IL12RB2: variants seen among roughly 807,000 people sequenced by gnomAD.
IL12RB2 encodes the protein interleukin-12 receptor subunit beta-2.
In IL12RB2, 82 loss-of-function variants were observed where a neutral mutation model predicts 89.4. That is an observed-to-expected ratio of 0.92 (90% confidence interval 0.77 to 1.10). The LOEUF (loss-of-function observed/expected upper bound fraction) is 1.10. IL12RB2 is among the 50% of genes least tolerant of loss of function. The pLI is 0.00. For synonymous variants in IL12RB2, 368 were observed against 370.1 expected (o/e 0.99, Z 0.07); for missense variants, 963 against 1,031.9 (o/e 0.93, Z 0.92).
chr1:67,367,789 T>A (rs1662869596), intron 10 of IL12RB2, 36 bp from the exon 11 acceptor site: 1 of 1,218,062 alleles, frequency 8.2e-7, no homozygotes, highest in Admixed American at 1.7e-5. Flanking sequence ...CCCTCCTCTT[T>A]TTTTATTTTG....
At position 67,321,646 on chromosome 1, in the gene IL12RB2, A is replaced by G. The variant is rs750730739; in HGVS notation, c.121A>G (p.Ile41Val). ...GDVTVKPSHV[I>V]LLGSTVNITC... ...TGTGACTGTGAAGCCTTCCCATGTA[A>G]TTTTACTTGGATCCACTGTCAATAT... Residue 41 changes from isoleucine to valine, a missense_variant, in exon 4 of 17, where the codon ATT becomes GTT. Transcript: ENST00000674203. 3.0e-5 allele frequency: 49 copies of G among 1,606,950 alleles called. No homozygotes were observed. In the Admixed American group the frequency reaches 8.2e-4, roughly 27 times the overall value.
At chr1:67,347,893 A>C (rs1279808105) in intron 9 of IL12RB2, among the ~76,000 whole-genome samples, 2 of 151,840 alleles carry the variant, frequency 1.3e-5, no homozygotes, top group Non-Finnish European at 2.9e-5. Flanking sequence ...CAAAAATCTC[A>C]CATTACTTTT....
chr1:67,358,460 C>A (rs1177275706), intron 10 of IL12RB2, among the ~76,000 whole-genome samples: 1 of 152,028 alleles, frequency 6.6e-6, no homozygotes, highest in Non-Finnish European at 1.5e-5. Flanking sequence ...CCTGTAATCC[C>A]AGCTACTTTG....
chr1:67,338,764 A>G (rs529800718), intron 9 of IL12RB2, 61 bp downstream of exon 9: 16 of 826,358 alleles, frequency 1.9e-5, no homozygotes, highest in African/African-American at 1.8e-4. Context: ...AAAAAGACCT[A>G]TTTGCATAGT....
At chr1:67,335,390 G>T (rs1325085770) in intron 8 of IL12RB2, among the ~76,000 whole-genome samples, 1 of 152,170 alleles carries the variant, frequency 6.6e-6, no homozygotes, top group South Asian at 2.1e-4. Context: ...TAGGGAATTG[G>T]TTGGGGGAGT....
intron 8 of IL12RB2, among the ~76,000 whole-genome samples, chr1:67,333,168 T>G (rs1236857386): frequency 1.3e-5 from 2 of 152,180 alleles, no homozygotes; most frequent in African/African-American, 4.8e-5. Flanking sequence ...AATCTCCCTT[T>G]TCTATGTTTG....
chr1:67,394,897 G>A (rs528087869), intron 16 of IL12RB2, among the ~76,000 whole-genome samples: 1 of 152,210 alleles, frequency 6.6e-6, no homozygotes, highest in Non-Finnish European at 1.5e-5. Context: ...CCCCAAGACA[G>A]AAGCAGTCTC....
At chr1:67,371,499 G>A (rs1050195864) in intron 11 of IL12RB2, among the ~76,000 whole-genome samples, 1 of 151,642 alleles carries the variant, frequency 6.6e-6, no homozygotes, top group Non-Finnish European at 1.5e-5. Flanking sequence ...TCAATACTGG[G>A]TAGGGTTCTT....
In IL12RB2 at chr1:67,324,224, G is replaced by A. The variant is rs535635898; in HGVS notation, c.364+2335G>A. On this transcript the variant is annotated intron_variant, in intron 4 of 16. Coordinates refer to ENST00000674203, the MANE Select transcript of IL12RB2 (RefSeq NM_001374259.2). ...ATATATACACAAGGAAGAGACTTTC[G>A]TTTGTTTGTTTGTTTTGAGATGGAA... 7.4e-4 allele frequency among the ~76,000 whole-genome samples: 112 copies of A among 152,146 alleles called. 2 individuals are homozygous for A. In the South Asian group the frequency reaches 0.022, roughly 30 times the overall value.
At chr1:67,386,872 TTATATATATATATATATATATATATA>T (rs1179774666) in intron 15 of IL12RB2, among the ~76,000 whole-genome samples, 659 of 48,476 alleles carry the variant, frequency 0.014, 24 homozygotes, top group African/African-American at 0.04. Flanking sequence ...GAAATGTATT[TTATATATATATATATATATATATATA>T]TATATATATA....
rs1478327103 is a variant in IL12RB2 at position 67,390,074 on chromosome 1, A to G, written c.1992A>G (p.Arg664=). 5 of 1,405,456 alleles carry G rather than the reference A, an allele frequency of 3.6e-6. No homozygotes were observed. The highest frequency in any genetic ancestry group is 1.8e-4 in the Middle Eastern group (1 of 5,670). 87.1% of individuals were successfully genotyped at this position (1,405,456 alleles called of 1,614,324 possible). Reference sequence around the variant, plus strand: ...CCCTCAGACCTCAGTGGTGTAGCAGAGAAATTCCAGATCCAGCAAATAGCA... The same window carrying G: ...CCCTCAGACCTCAGTGGTGTAGCAGGGAAATTCCAGATCCAGCAAATAGCA... The part of the protein sequence containing the change: ...LAALRPQWCS[R]EIPDPANSTC... The change falls in exon 16 of 17, where the codon AGA becomes AGG. Residue 664 remains arginine (R), a synonymous_variant. Coordinates refer to ENST00000674203, the MANE Select transcript of IL12RB2 (RefSeq NM_001374259.2).
At chr1:67,334,770 C>G (rs12124800) in intron 8 of IL12RB2, among the ~76,000 whole-genome samples, 1 of 152,224 alleles carries the variant, frequency 6.6e-6, no homozygotes, top group African/African-American at 2.4e-5. Flanking sequence ...TGAGCCACCG[C>G]GCCCGGCCGG....
rs75191951 is a variant in IL12RB2, at chr1:67,373,684, T to C, written c.1717+901T>C. On this transcript the variant is annotated intron_variant, in intron 13 of 16. Coordinates refer to ENST00000674203, the MANE Select transcript of IL12RB2 (RefSeq NM_001374259.2). ...TTGCCACACTTGATGTTCCAATCTTTGATTTATTCAGAGTTTTTGTTTTTC... is the reference window on the plus strand; with the variant it reads ...TTGCCACACTTGATGTTCCAATCTTCGATTTATTCAGAGTTTTTGTTTTTC... Among the ~76,000 whole-genome samples the C allele has an allele frequency of 3.3e-4, 51 of 152,374 alleles. No homozygotes were observed. In the East Asian group the frequency reaches 8.5e-3, roughly 25 times the overall value.
chr1:67,373,393 G>C (rs779079671), intron 13 of IL12RB2, among the ~76,000 whole-genome samples: 1 of 152,144 alleles, frequency 6.6e-6, no homozygotes, highest in Non-Finnish European at 1.5e-5. Flanking sequence ...TACAGGCATG[G>C]GCCACAGCGC....
At chr1:67,381,840 G>C (rs1664626413) in intron 14 of IL12RB2, among the ~76,000 whole-genome samples, 1 of 151,560 alleles carries the variant, frequency 6.6e-6, no homozygotes, top group Non-Finnish European at 1.5e-5. Context: ...ACAAAAATTA[G>C]GTGGGAGCGG....
At position 67,398,249 on chromosome 1, in the gene IL12RB2, C is replaced by G. The variant is rs1326443766; in HGVS notation, c.*2160C>G. 6.6e-6 allele frequency among the ~76,000 whole-genome samples: 1 copy of G among 152,138 alleles called. No homozygotes were observed. The highest frequency in any genetic ancestry group is 1.5e-5 in the Non-Finnish European group (1 of 68,028). ...CTTGACTGGCACAAACCATGACAGA[C>G]AAGGCCACCTCCTCAGAAGCGGAAC... On this transcript the variant is annotated 3_prime_UTR_variant, in exon 17 of 17. Coordinates refer to ENST00000674203, the MANE Select transcript of IL12RB2 (RefSeq NM_001374259.2).
intron 2 of IL12RB2, among the ~76,000 whole-genome samples, chr1:67,315,577 T>C (rs1327734660): frequency 7.9e-5 from 12 of 152,120 alleles, no homozygotes; most frequent in Non-Finnish European, 1.2e-4. Context: ...GAGGATTAAA[T>C]TGACATTAGA....
chr1:67,391,821 T>G lies in IL12RB2; in HGVS notation c.2046+1693T>G, dbSNP rs1046595825. The stretch of plus-strand genomic sequence containing the variant: ...CCGGCTAATTTTTTTTTATTTTTAT[T>G]TTTAGTAGAGATGAGGTTTCACTGT... On this transcript the variant is annotated intron_variant, in intron 16 of 16. Transcript: ENST00000674203. Among the ~76,000 whole-genome samples, 9 of 152,138 alleles carry G rather than the reference T, an allele frequency of 5.9e-5. No individual in the cohort carries two copies. The South Asian group carries it at 1.7e-3, about 28-fold the overall frequency.
chr1:67,326,942 A>ATTTT, intron 5 of IL12RB2, 93 bp downstream of exon 5: 438 of 667,564 alleles, frequency 6.6e-4, no homozygotes, highest in Non-Finnish European at 8.1e-4. Context: ...TTTTTATTTT[A>ATTTT]TTTTATTTAT....
Sources: gnomAD v4.1 joint callset for allele counts (sites outside exome capture counted in the v4.1 genomes callset) on GRCh38, gnomAD v4.1.1 for gene constraint, MANE v1.5 for transcripts, NCBI Gene and HGNC (gene_info 2026-07-23, HGNC 2026-07-21) for gene names.